Variants in ZNF385D observed in about 807,000 individuals in gnomAD.
ZNF385D encodes zinc finger protein 385D, also known as zinc finger protein 659.
In ZNF385D, 15 loss-of-function variants were observed where a neutral mutation model predicts 35.8. The observed-to-expected ratio is 0.42, with a 90% CI of 0.28 to 0.64. The LOEUF (loss-of-function observed/expected upper bound fraction) is 0.64, where lower values mean the gene tolerates loss of function less well. Ranked by LOEUF, ZNF385D falls within the 30% of genes least tolerant of loss-of-function variation. The probability of loss-of-function intolerance (pLI) is 0.23; values close to 1 mark genes in which losing one functional copy is unlikely to be tolerated. For synonymous variants in ZNF385D, 212 were observed against 186.8 expected (o/e 1.13, Z -1.10); for missense variants, 474 against 494.6 (o/e 0.96, Z 0.39).
intron 3 of ZNF385D, among the ~76,000 whole-genome samples, chr3:21,885,571 G>T (rs540479443): frequency 1.8e-4 from 27 of 151,896 alleles, no homozygotes; most frequent in African/African-American, 6.0e-4. Context: ...AACCAAGAAA[G>T]AATTATGTGA....
chr3:21,833,757 C>T (rs1559671986), intron 3 of ZNF385D, among the ~76,000 whole-genome samples: 2 of 152,226 alleles, frequency 1.3e-5, no homozygotes, highest in South Asian at 2.1e-4. Flanking sequence ...AGGACAATAA[C>T]CCAATCAATT....
intron 1 of ZNF385D, among the ~76,000 whole-genome samples, chr3:21,713,743 T>G (rs2068205649): frequency 6.6e-6 from 1 of 152,178 alleles, no homozygotes; most frequent in African/African-American, 2.4e-5. Context: ...AAATCTTGTC[T>G]TCTACCCTAC....
chr3:21,821,063 T>C (rs1395125802), intron 3 of ZNF385D, among the ~76,000 whole-genome samples: 1 of 152,050 alleles, frequency 6.6e-6, no homozygotes, highest in African/African-American at 2.4e-5. Flanking sequence ...GTAAAAATAT[T>C]TTTTCAGGGG....
At chr3:21,943,348 AAAG>A (rs1407789279) in intron 3 of ZNF385D, among the ~76,000 whole-genome samples, 3 of 151,562 alleles carry the variant, frequency 2.0e-5, no homozygotes, top group Non-Finnish European at 4.4e-5. Context: ...AGCGAGTGAG[AAAG>A]AATAAGTAAT....
chr3:21,554,169 A>G (rs1314024215), intron 3 of ZNF385D, among the ~76,000 whole-genome samples: 1 of 152,212 alleles, frequency 6.6e-6, no homozygotes, highest in Non-Finnish European at 1.5e-5. Flanking sequence ...ATAGCCTTAA[A>G]AATATATTTC....
intron 1 of ZNF385D, among the ~76,000 whole-genome samples, chr3:21,689,305 TACTC>T (rs756921316): frequency 6.6e-5 from 10 of 152,230 alleles, no homozygotes; most frequent in African/African-American, 2.2e-4. Context: ...GGACCACTAA[TACTC>T]AGTCACTGAA....
At position 21,950,770 on chromosome 3, in the gene ZNF385D, G is replaced by T. The variant is rs373873964; in HGVS notation, c.325+218047C>A. Among the ~76,000 whole-genome samples the T allele has an allele frequency of 1.8e-3, 274 of 151,842 alleles. 3 individuals are homozygous for T. In the South Asian group the frequency reaches 0.022, roughly 12 times the overall value. On this transcript the variant is annotated intron_variant, in intron 3 of 5. Transcript: ENST00000494108. ...AGTTTCAATTTTCTGCATATGGCTA[G>T]CCAGTTTTCCCAACACCACTTATTA...
intron 2 of ZNF385D, among the ~76,000 whole-genome samples, chr3:21,565,192 CAT>C (rs780647084): frequency 2.0e-5 from 3 of 151,748 alleles, no homozygotes; most frequent in Non-Finnish European, 4.4e-5. Flanking sequence ...ATAATTGAAA[CAT>C]ATGGAGATGT....
At chr3:21,950,066 A>AAATGATGTAGTAAC (rs1559784200) in intron 3 of ZNF385D, among the ~76,000 whole-genome samples, 4 of 152,008 alleles carry the variant, frequency 2.6e-5, no homozygotes, top group African/African-American at 7.3e-5. Context: ...CTTTGGGTAT[A>AAATGATGTAGTAAC]TACCCAGTAA....
intron 3 of ZNF385D, among the ~76,000 whole-genome samples, chr3:21,857,281 ATGATTGGATT>A (rs1365046340): frequency 6.6e-6 from 1 of 152,060 alleles, no homozygotes; most frequent in Admixed American, 6.6e-5. Flanking sequence ...GTGTGTCAAC[ATGATTGGATT>A]GAAGGATGCA....
intron 3 of ZNF385D, among the ~76,000 whole-genome samples, chr3:22,079,866 T>C (rs761737087): frequency 2.8e-4 from 43 of 152,096 alleles, no homozygotes; most frequent in Middle Eastern, 3.4e-3. Flanking sequence ...GTGTATGTTT[T>C]AATTTAGGTC....
chr3:21,966,287 G>A (rs917459104), intron 3 of ZNF385D, among the ~76,000 whole-genome samples: 1 of 152,130 alleles, frequency 6.6e-6, no homozygotes, highest in African/African-American at 2.4e-5. Flanking sequence ...CTTGTATTTT[G>A]TTTGGAAAAC....
At chr3:22,061,630 T>G (rs1461884167) in intron 3 of ZNF385D, among the ~76,000 whole-genome samples, 1 of 152,170 alleles carries the variant, frequency 6.6e-6, no homozygotes, top group East Asian at 1.9e-4. Flanking sequence ...TCACTCTCTT[T>G]CAACAGTTCA....
Position 21,726,093 on chromosome 3 carries a change from T to A in ZNF385D, c.22+24802A>T, listed in dbSNP as rs569336415. ...GACAAAAACCACATGATTATCTCAATAGATGTAGAGAAGGCCTTCGACAAA... is the reference window on the plus strand; with the variant it reads ...GACAAAAACCACATGATTATCTCAAAAGATGTAGAGAAGGCCTTCGACAAA... On this transcript the variant is annotated intron_variant, in intron 1 of 7. Coordinates refer to ENST00000281523, the MANE Select transcript of ZNF385D (RefSeq NM_024697.3). Among the ~76,000 whole-genome samples the A allele has an allele frequency of 3.3e-5, 5 of 152,242 alleles. No individual in the cohort carries two copies. In the South Asian group the frequency reaches 6.2e-4, roughly 19 times the overall value.
At chr3:21,892,255 C>G (rs1054832674) in intron 3 of ZNF385D, among the ~76,000 whole-genome samples, 1 of 152,136 alleles carries the variant, frequency 6.6e-6, no homozygotes, top group Non-Finnish European at 1.5e-5. Context: ...CTGAATTTCT[C>G]AGCCTCTATA....
At chr3:21,650,000 T>C (rs1412184335) in intron 2 of ZNF385D, among the ~76,000 whole-genome samples, 1 of 152,030 alleles carries the variant, frequency 6.6e-6, no homozygotes, top group African/African-American at 2.4e-5. Flanking sequence ...AAATAGCTTC[T>C]ATTGAACCAG....
At chr3:22,235,002 C>T (rs1699097702) in intron 2 of ZNF385D, among the ~76,000 whole-genome samples, 1 of 151,702 alleles carries the variant, frequency 6.6e-6, no homozygotes, top group Admixed American at 6.6e-5. Context: ...TTATATATAC[C>T]AAATCTCAAC....
At chr3:21,859,788 T>C (rs1209944251) in intron 3 of ZNF385D, among the ~76,000 whole-genome samples, 1 of 152,010 alleles carries the variant, frequency 6.6e-6, no homozygotes, top group Non-Finnish European at 1.5e-5. Context: ...AAACAAATAT[T>C]TTGGGAAACT....
intron 3 of ZNF385D, among the ~76,000 whole-genome samples, chr3:21,934,544 A>T (rs561028192): frequency 6.6e-6 from 1 of 152,310 alleles, no homozygotes; most frequent in African/African-American, 2.4e-5. Context: ...TCTTCTAGCA[A>T]TCACATATGC....
Sources: gnomAD v4.1 joint callset for allele counts (sites outside exome capture counted in the v4.1 genomes callset) on GRCh38, gnomAD v4.1.1 for gene constraint, MANE v1.5 for transcripts, NCBI Gene and HGNC (gene_info 2026-07-23, HGNC 2026-07-21) for gene names.